RNF8: variants seen among roughly 807,000 people sequenced by gnomAD.
RNF8 encodes ring finger protein 8, also known as E3 ubiquitin-protein ligase RNF8.
Under a neutral mutation model 59.3 loss-of-function variants are expected in RNF8, and 8 were observed. The ratio of observed to expected loss-of-function variants is 0.13; its 90% CI spans 0.08 to 0.24. The LOEUF (loss-of-function observed/expected upper bound fraction) is 0.24, where lower values mean the gene tolerates loss of function less well. RNF8 is among the 10% of genes least tolerant of loss of function. The probability of loss-of-function intolerance (pLI) is 1.00; values close to 1 mark genes in which losing one functional copy is unlikely to be tolerated. For missense variants in RNF8, 406 were observed against 572.6 expected, an observed-to-expected ratio of 0.71 and a Z score of 2.97; for synonymous variants, 162 against 200.0, an observed-to-expected ratio of 0.81 and a Z score of 1.60.
intron 6 of RNF8, among the ~76,000 whole-genome samples, chr6:37,378,092 G>A (rs1015591735): frequency 2.6e-5 from 4 of 151,782 alleles, no homozygotes; most frequent in Admixed American, 6.6e-5. Context: ...TTAGGAGCTC[G>A]AGACCAGACT....
chr6:37,361,497 G>A lies in RNF8; in HGVS notation c.240+923G>A, dbSNP rs1296816087. On this transcript the variant is annotated intron_variant, in intron 2 of 7. Coordinates refer to ENST00000373479, the MANE Select transcript of RNF8 (RefSeq NM_003958.4). ...AGCCCTGTCGCTATCAAAAAGAAAA[G>A]AAGATACCTAAAGTGCAGATATACA... The A allele has an allele frequency of 2.4e-5, 9 of 368,222 alleles. No homozygotes were observed. In the Admixed American group the frequency reaches 2.9e-4, roughly 12 times the overall value. The allele number at this position is 368,222 out of a possible 1,614,324, so 22.8% of individuals were successfully genotyped here.
intron 1 of RNF8, among the ~76,000 whole-genome samples, chr6:37,354,490 T>G (rs1581657123): frequency 1.0e-4 from 13 of 125,028 alleles, no homozygotes; most frequent in East Asian, 2.4e-4. Flanking sequence ...CGGTGGGAGG[T>G]GTTTGGGGGA....
At chr6:37,364,927 G>A (rs1448251530) in intron 2 of RNF8, among the ~76,000 whole-genome samples, 1 of 152,008 alleles carries the variant, frequency 6.6e-6, no homozygotes, top group Non-Finnish European at 1.5e-5. Context: ...GCGGCACCAC[G>A]CCTGGCTAAT....
rs2113821921 is a variant in RNF8 at position 37,369,175 on chromosome 6, A to T, written c.932A>T (p.Glu311Val). Residue 311 changes from glutamate (E) to valine (V), a missense_variant, in exon 3 of 8, where the codon GAG becomes GTG. Transcript: ENST00000373479. ...CAGGCTCAGCAGCAGGCAAGAGTGG[A>T]GCAACTAGAGAAGACTTTCCAGGAA... ...AEQAQQQARV[E>V]QLEKTFQEEE... 6.2e-7 allele frequency: 1 copy of T among 1,613,608 alleles called. No homozygotes were observed. Among genetic ancestry groups the T allele is most frequent in the East Asian group, 2.2e-5 (1 of 44,880 alleles).
intron 1 of RNF8, among the ~76,000 whole-genome samples, chr6:37,356,174 T>TG (rs1219162911): frequency 6.6e-6 from 1 of 152,194 alleles, no homozygotes; most frequent in African/African-American, 2.4e-5. Flanking sequence ...GCCAGTTGCA[T>TG]GGGGAGGGAC....
At chr6:37,377,613 G>T (rs1770076601) in intron 6 of RNF8, among the ~76,000 whole-genome samples, 1 of 152,154 alleles carries the variant, frequency 6.6e-6, no homozygotes, top group Admixed American at 6.5e-5. Flanking sequence ...ATTTTGAGCT[G>T]CAATGAAGCC....
At chr6:37,389,807 G>A (rs945289476) in intron 7 of RNF8, among the ~76,000 whole-genome samples, 7 of 152,194 alleles carry the variant, frequency 4.6e-5, no homozygotes, top group African/African-American at 1.4e-4. Flanking sequence ...AGCTAAGAGG[G>A]AGGGAACCCT....
rs984987670 is a variant in RNF8, at chr6:37,354,233, G to A, written c.69G>A (p.Val23=). 1 of 1,571,394 alleles carries A rather than the reference G, an allele frequency of 6.4e-7. No individual in the cohort carries two copies. The highest frequency in any genetic ancestry group is 8.6e-7 in the Non-Finnish European group (1 of 1,159,660). The change falls in exon 1 of 8, where the codon GTG becomes GTA. Residue 23 remains valine, a synonymous_variant. Transcript: ENST00000373479. The stretch of plus-strand genomic sequence containing the variant: ...GCCGGAGCTGGTGCCTGCGGCGGGT[G>A]GGGATGAGCGCCGGGTGGCTGCTGC... ...AGGRSWCLRR[V]GMSAGWLLLE...
Position 37,368,545 on chromosome 6 carries a change from A to G in RNF8, c.302A>G (p.His101Arg). The G allele has an allele frequency of 6.2e-7, 1 of 1,614,184 alleles. No homozygotes were observed. The highest frequency in any genetic ancestry group is 8.5e-7 in the Non-Finnish European group (1 of 1,180,012). The stretch of plus-strand genomic sequence containing the variant: ...GAACCTTTAAGGGTCTATTCCATTC[A>G]TCAGGGAGACTACATCCAACTTGGA... Reference protein sequence around the residue: ...RLEPLRVYSIHQGDYIQLGVP... With the variant: ...RLEPLRVYSIRQGDYIQLGVP... Residue 101 changes from histidine to arginine, a missense_variant, in exon 3 of 8, where the codon CAT (histidine) becomes CGT (arginine). Coordinates refer to ENST00000373479, the MANE Select transcript of RNF8 (RefSeq NM_003958.4).
chr6:37,380,991 A>G (rs1289995880), intron 6 of RNF8, among the ~76,000 whole-genome samples, 159 bp from the exon 7 acceptor site: 3 of 152,084 alleles, frequency 2.0e-5, no homozygotes, highest in Non-Finnish European at 4.4e-5. Flanking sequence ...CCCAACCCCA[A>G]GAATGATTCT....
At chr6:37,384,307 A>C (rs895952339) in intron 7 of RNF8, among the ~76,000 whole-genome samples, 5 of 151,918 alleles carry the variant, frequency 3.3e-5, no homozygotes, top group African/African-American at 1.2e-4. Flanking sequence ...CGCCCAGCTC[A>C]TGTTTGCATT....
intron 7 of RNF8, among the ~76,000 whole-genome samples, chr6:37,384,966 G>A (rs891198355): frequency 1.3e-5 from 2 of 152,054 alleles, no homozygotes; most frequent in East Asian, 1.9e-4. Flanking sequence ...AGGATGAGGC[G>A]GGAGTGTCCA....
At chr6:37,383,869 A>G (rs982110478) in intron 7 of RNF8, among the ~76,000 whole-genome samples, 1 of 152,086 alleles carries the variant, frequency 6.6e-6, no homozygotes, top group Non-Finnish European at 1.5e-5. Flanking sequence ...AATCCCCTAT[A>G]GAGTATCTCC....
At position 37,360,957 on chromosome 6, in the gene RNF8, G is replaced by A. The variant is rs867361943; in HGVS notation, c.240+383G>A. Among the ~76,000 whole-genome samples, 6 of 152,138 alleles carry A rather than the reference G, an allele frequency of 3.9e-5. No homozygotes were observed. The highest frequency in any genetic ancestry group is 5.9e-5 in the Non-Finnish European group (4 of 68,030). On this transcript the variant is annotated intron_variant, in intron 2 of 7. Coordinates refer to ENST00000373479, the MANE Select transcript of RNF8 (RefSeq NM_003958.4). The surrounding 1 kb of genome is among the most constrained non-coding windows in gnomAD (Gnocchi z 4.2). Reference sequence around the variant, plus strand: ...TGGCTCAGTGGACAAGGGGAGGAGGGAGAAACTGATCTGATTGCGCTTAGC... The same window carrying A: ...TGGCTCAGTGGACAAGGGGAGGAGGAAGAAACTGATCTGATTGCGCTTAGC...
chr6:37,366,347 T>C (rs1411076027), intron 2 of RNF8, among the ~76,000 whole-genome samples: 1 of 152,228 alleles, frequency 6.6e-6, no homozygotes, highest in Admixed American at 6.5e-5. Context: ...TCGACTGTCC[T>C]GCTCTAAAAT....
chr6:37,386,820 G>A (rs1426015140), intron 7 of RNF8, among the ~76,000 whole-genome samples: 1 of 152,188 alleles, frequency 6.6e-6, no homozygotes, highest in Non-Finnish European at 1.5e-5. Context: ...GTGTTTAGCA[G>A]GAGACACTTC....
At chr6:37,366,948 A>G (rs1194038889) in intron 2 of RNF8, among the ~76,000 whole-genome samples, 2 of 152,188 alleles carry the variant, frequency 1.3e-5, no homozygotes, top group African/African-American at 2.4e-5. Flanking sequence ...ATTCCTTTGC[A>G]TTTACAGGCT....
At chr6:37,381,718 A>G (rs1038450978) in intron 7 of RNF8, among the ~76,000 whole-genome samples, 17 of 152,116 alleles carry the variant, frequency 1.1e-4, no homozygotes, top group Admixed American at 2.6e-4. Flanking sequence ...TGTTGAAAAA[A>G]CCTTGAGTTA....
intron 7 of RNF8, among the ~76,000 whole-genome samples, chr6:37,389,254 G>C (rs1383259355): frequency 6.6e-6 from 1 of 151,798 alleles, no homozygotes; most frequent in African/African-American, 2.4e-5. Context: ...ACAAGATAAG[G>C]ATGAAAAATT....
Sources: gnomAD v4.1 joint callset for allele counts (sites outside exome capture counted in the v4.1 genomes callset) on GRCh38, gnomAD v4.1.1 for gene constraint, Gnocchi (gnomAD v3.1) non-coding constraint, MANE v1.5 for transcripts, NCBI Gene and HGNC (gene_info 2026-07-23, HGNC 2026-07-21) for gene names.